The following DST variants were observed in gnomAD, a reference collection of about 807,000 sequenced individuals.
DST encodes dystonin.
A neutral mutation model predicts 875.2 loss-of-function variants in DST; 253 were observed. The observed-to-expected ratio is 0.29, with a 90% CI of 0.26 to 0.32. The LOEUF (loss-of-function observed/expected upper bound fraction) is 0.32, where lower values mean the gene tolerates loss of function less well. Among genes scored for constraint, DST ranks in the 10% least tolerant of loss-of-function variants. The probability of loss-of-function intolerance (pLI) is 1.00; values close to 1 mark genes in which losing one functional copy is unlikely to be tolerated. For missense variants in DST, 8,287 were observed against 9,111.6 expected (o/e 0.91, Z 3.68); for synonymous variants, 3,124 against 3,197.1 (o/e 0.98, Z 0.77).
intron 4 of DST, among the ~76,000 whole-genome samples, chr6:56,760,809 C>A (rs2099615334): frequency 6.6e-6 from 1 of 152,092 alleles, no homozygotes; most frequent in Non-Finnish European, 1.5e-5. Context: ...TCAATAACAA[C>A]ATAAAGTGGA....
intron 4 of DST, among the ~76,000 whole-genome samples, chr6:56,846,648 ACTATAGTCT>A (rs1168512386): frequency 2.6e-5 from 4 of 152,230 alleles, no homozygotes; most frequent in Admixed American, 2.6e-4. Context: ...AAGTAAACAT[ACTATAGTCT>A]CAGATTTTAA....
intron 34 of DST, among the ~76,000 whole-genome samples, chr6:56,626,410 G>A (rs2098735655): frequency 6.6e-6 from 1 of 152,070 alleles, no homozygotes; most frequent in Non-Finnish European, 1.5e-5. Flanking sequence ...TACACAAATA[G>A]ATACCATTAT....
In DST at chr6:56,604,364, T is replaced by A. The variant is rs184129299; in HGVS notation, c.10264A>T (p.Asn3422Tyr). 3.5e-4 allele frequency: 572 copies of A among 1,612,240 alleles called. 1 individual carries two copies. Among genetic ancestry groups the A allele is most frequent in the Non-Finnish European group, 4.6e-4 (546 of 1,179,008 alleles). ...SDSSGVSPMT[N>Y]SSELKPESRD... ...CTTTCTGGCTTTAGTTCTGATGAGTTAGTCATGGGGGAAACTCCAGAAGAG... is the reference window on the plus strand; with the variant it reads ...CTTTCTGGCTTTAGTTCTGATGAGTAAGTCATGGGGGAAACTCCAGAAGAG... The change falls in exon 40 of 104, where the codon AAC becomes TAC. Residue 3422 changes from asparagine (N) to tyrosine (Y), a missense_variant. This residue lies in a region of DST where 3,138 missense variants were observed against 3,116.6 expected (regional missense o/e 1.01). Coordinates refer to ENST00000680361, the MANE Select transcript of DST (RefSeq NM_001374736.1).
intron 93 of DST, 107 bp from the exon 94 acceptor site, chr6:56,472,329 GT>G: frequency 1.0e-6 from 1 of 959,448 alleles, no homozygotes; most frequent in Non-Finnish European, 1.5e-6. Flanking sequence ...TTAATTACGT[GT>G]TTACGCAAGT....
At chr6:56,871,345 C>T (rs1379071239) in intron 3 of DST, 15 of 1,029,450 alleles carry the variant, frequency 1.5e-5, no homozygotes, top group Admixed American at 5.1e-5. Context: ...AAAGATGTCA[C>T]TTTACAGAAA....
At chr6:56,464,312 T>C in intron 100 of DST, 1 of 280,294 alleles carries the variant, frequency 3.6e-6, no homozygotes, top group South Asian at 5.5e-5. Flanking sequence ...ATGAGGCAGC[T>C]AGTATTTTTA....
chr6:56,833,545 T>C (rs934183477), intron 4 of DST, among the ~76,000 whole-genome samples: 4 of 152,050 alleles, frequency 2.6e-5, no homozygotes, highest in African/African-American at 9.7e-5. Context: ...GTTCGACTAA[T>C]TTTAGACTCA....
Position 56,625,180 on chromosome 6 carries a change from A to T in DST, c.4807T>A (p.Ser1603Thr). Residue 1603 changes from serine (S) to threonine (T), a missense_variant, in exon 35 of 104, where the codon TCA becomes ACA. Ser to Thr is a moderately conservative substitution (Grantham distance 58). This residue lies in a region of DST where 3,138 missense variants were observed against 3,116.6 expected (regional missense o/e 1.01). Coordinates refer to ENST00000680361, the MANE Select transcript of DST (RefSeq NM_001374736.1). ...SPVKRRRMQS[S>T]ADLIIQEFMD... ...ACCTCTTGAATAATGAGATCTGCTG[A>T]ACTCTGCATTCTTCGGCGTTTCACT... 7 of 1,612,854 alleles carry T rather than the reference A, an allele frequency of 4.3e-6. No homozygotes were observed. Among genetic ancestry groups the T allele is most frequent in the Non-Finnish European group, 5.9e-6 (7 of 1,178,956 alleles).
rs990895121 is a variant in DST at position 56,637,108 on chromosome 6, C to A, written c.2965-456G>T. Among the ~76,000 whole-genome samples, 1,233 of 147,288 alleles carry A rather than the reference C, an allele frequency of 8.4e-3. 11 individuals are homozygous for A. Among genetic ancestry groups the A allele is most frequent in the African/African-American group, 0.026 (1,058 of 40,316 alleles). On this transcript the variant is annotated intron_variant, in intron 22 of 103. Transcript: ENST00000680361. The stretch of plus-strand genomic sequence containing the variant: ...CAAAAAACAAAAACAAACAAACAAA[C>A]AAAAAAAAAACAAGAAAATCAGGGC...
At chr6:56,681,593 T>C (rs1443517496) in intron 9 of DST, among the ~76,000 whole-genome samples, 2 of 152,198 alleles carry the variant, frequency 1.3e-5, no homozygotes, top group East Asian at 3.8e-4. Context: ...ATAATAGCAG[T>C]ACCTCTTGTG....
At chr6:56,792,451 C>G (rs2099728154) in intron 4 of DST, among the ~76,000 whole-genome samples, 1 of 152,080 alleles carries the variant, frequency 6.6e-6, no homozygotes, top group Admixed American at 6.6e-5. Flanking sequence ...CTAGCAGATA[C>G]CATCTCAACT....
At chr6:56,581,028 C>T (rs2097975320) in intron 49 of DST, among the ~76,000 whole-genome samples, 1 of 144,102 alleles carries the variant, frequency 6.9e-6, no homozygotes, top group African/African-American at 2.6e-5. Flanking sequence ...AGCCAAGGCT[C>T]CCAGCCAATT....
chr6:56,866,118 C>T (rs1049923472), intron 3 of DST, among the ~76,000 whole-genome samples: 1 of 152,032 alleles, frequency 6.6e-6, no homozygotes, highest in African/African-American at 2.4e-5. Flanking sequence ...CTCAGCCTCC[C>T]GAGTAGCTGG....
chr6:56,673,197 A>T (rs1159177312), intron 9 of DST, among the ~76,000 whole-genome samples: 3 of 152,198 alleles, frequency 2.0e-5, no homozygotes, highest in Admixed American at 2.0e-4. Context: ...GTGAGCCATG[A>T]TCACGCCACT....
chr6:56,626,947 A>G (rs1185458639), intron 34 of DST, among the ~76,000 whole-genome samples: 1 of 152,146 alleles, frequency 6.6e-6, no homozygotes, highest in African/African-American at 2.4e-5. Context: ...AAGAAAAGTG[A>G]TAAGAAACCA....
chr6:56,873,009 G>A (rs535561971), intron 3 of DST, among the ~76,000 whole-genome samples: 2 of 152,010 alleles, frequency 1.3e-5, no homozygotes, highest in Non-Finnish European at 2.9e-5. Context: ...GCTAGCATCT[G>A]TTATTTTCTT....
At chr6:56,821,227 A>T (rs1359562789) in intron 4 of DST, among the ~76,000 whole-genome samples, 1 of 152,226 alleles carries the variant, frequency 6.6e-6, no homozygotes, top group Non-Finnish European at 1.5e-5. Flanking sequence ...AGGTACTCCA[A>T]TTACTCACTG....
In DST at chr6:56,634,062, C is replaced by G. The variant is rs1247504556; in HGVS notation, c.3621+70G>C. The G allele has an allele frequency of 3.2e-6, 5 of 1,575,292 alleles. No individual in the cohort carries two copies. In the Admixed American group the frequency reaches 8.3e-5, roughly 26 times the overall value. On this transcript the variant is annotated intron_variant, in intron 27 of 103. Transcript: ENST00000680361. ...CATCCTATTCTAAAGCAAATACAAA[C>G]TCTACGACACATATGAAAAGGCATG...
chr6:56,642,830 T>C (rs1259450334), intron 15 of DST: 2 of 1,612,224 alleles, frequency 1.2e-6, no homozygotes, highest in Admixed American at 1.7e-5. Flanking sequence ...CCTTTCAAAG[T>C]AGACTAAAAG....
Sources: gnomAD v4.1 joint callset for allele counts (sites outside exome capture counted in the v4.1 genomes callset) on GRCh38, gnomAD v4.1.1 for gene constraint, gnomAD v4.1.1 regional missense constraint, MANE v1.5 for transcripts, NCBI Gene and HGNC (gene_info 2026-07-23, HGNC 2026-07-21) for gene names.